Variants in TNS3 observed in about 807,000 individuals in gnomAD.
TNS3 encodes tensin 3.
TNS3 carries 45 observed loss-of-function variants against 140.9 expected under a neutral mutation model. The ratio of observed to expected loss-of-function variants is 0.32; its 90% CI spans 0.25 to 0.41. TNS3 has a LOEUF of 0.41. Ranked by LOEUF, TNS3 falls within the 10% of genes least tolerant of loss-of-function variation. The pLI is 1.00. For synonymous variants in TNS3, 815 were observed against 788.4 expected, an observed-to-expected ratio of 1.03 and a Z score of -0.56; for missense variants, 1,716 against 1,906.7, an observed-to-expected ratio of 0.90 and a Z score of 1.86.
chr7:47,323,977 A>T (rs1488707999), intron 20 of TNS3, among the ~76,000 whole-genome samples: 2 of 152,202 alleles, frequency 1.3e-5, no homozygotes, highest in East Asian at 3.8e-4. Context: ...CTAAGAATTT[A>T]TTTGACATTG....
At chr7:47,573,243 A>T (rs368217934) in intron 1 of TNS3, among the ~76,000 whole-genome samples, 2 of 152,350 alleles carry the variant, frequency 1.3e-5, no homozygotes, top group South Asian at 2.1e-4. Flanking sequence ...GATACAAGCC[A>T]GCAGGGCAAT....
rs145035304 is a variant in TNS3 at position 47,493,106 on chromosome 7, G to A, written c.-114-11965C>T. Among the ~76,000 whole-genome samples, 254 of 152,350 alleles carry A rather than the reference G, an allele frequency of 1.7e-3. 1 individual carries two copies. Among genetic ancestry groups the A allele is most frequent in the African/African-American group, 5.2e-3 (218 of 41,580 alleles). The stretch of plus-strand genomic sequence containing the variant: ...GGCAGAGGAAGTGGTCACCCCTAGG[G>A]AGGGGATGCCCAGATCTCGAATAAA... On this transcript the variant is annotated intron_variant, in intron 3 of 30. Transcript: ENST00000311160.
intron 13 of TNS3, among the ~76,000 whole-genome samples, chr7:47,411,221 T>G (rs1022650675): frequency 1.3e-5 from 2 of 152,174 alleles, no homozygotes; most frequent in African/African-American, 4.8e-5. Context: ...AGAATGAAGA[T>G]TTGTTCCGTC....
At chr7:47,451,362 T>C (rs1259157631) in intron 4 of TNS3, among the ~76,000 whole-genome samples, 2 of 152,026 alleles carry the variant, frequency 1.3e-5, no homozygotes, top group African/African-American at 4.8e-5. Context: ...AATGGATCAC[T>C]TGAGGCCAGG....
At chr7:47,290,328 A>C (rs1417782150) in intron 27 of TNS3, among the ~76,000 whole-genome samples, 1 of 152,256 alleles carries the variant, frequency 6.6e-6, no homozygotes, top group Admixed American at 6.5e-5. Flanking sequence ...TACAATACCA[A>C]AGTCACAATC....
chr7:47,423,038 A>G (rs1794461814), intron 10 of TNS3, among the ~76,000 whole-genome samples: 1 of 152,202 alleles, frequency 6.6e-6, no homozygotes, highest in Admixed American at 6.5e-5. Context: ...AAACAGAGCC[A>G]TGCCATTGGA....
intron 18 of TNS3, among the ~76,000 whole-genome samples, chr7:47,345,691 T>C (rs1006188933): frequency 1.3e-5 from 2 of 151,926 alleles, no homozygotes. Flanking sequence ...TCTGTGGCCC[T>C]CATCTGTGGG....
At chr7:47,287,319 TAAAAAAAGGGATTA>T (rs1785472852) in intron 27 of TNS3, among the ~76,000 whole-genome samples, 2 of 152,142 alleles carry the variant, frequency 1.3e-5, no homozygotes, top group Admixed American at 1.3e-4. Context: ...CCTTAATATT[TAAAAAAAGGGATTA>T]AACTGGAGAG....
At chr7:47,557,241 T>G (rs1584855102) in intron 1 of TNS3, 30 of 420,418 alleles carry the variant, frequency 7.1e-5, no homozygotes, top group South Asian at 4.9e-4. Context: ...AGGCTGACTT[T>G]TCGTCTTTCC....
At chr7:47,354,607 GAA>G (rs113598140) in intron 17 of TNS3, among the ~76,000 whole-genome samples, 8 of 138,398 alleles carry the variant, frequency 5.8e-5, no homozygotes, top group Non-Finnish European at 7.9e-5. Context: ...TCCCAGCCAG[GAA>G]AAAAAAAAAA....
chr7:47,460,727 G>A (rs1356401119), intron 4 of TNS3, among the ~76,000 whole-genome samples: 1 of 152,236 alleles, frequency 6.6e-6, no homozygotes, highest in African/African-American at 2.4e-5. Flanking sequence ...TAAATAAAAG[G>A]GAGAGGCAGT....
chr7:47,411,833 T>A, intron 12 of TNS3, 31 bp from the exon 13 acceptor site: 1 of 1,600,208 alleles, frequency 6.2e-7, no homozygotes, highest in Non-Finnish European at 8.5e-7. Flanking sequence ...TAGATCATTA[T>A]GCAACTTCAT....
intron 3 of TNS3, among the ~76,000 whole-genome samples, chr7:47,498,449 T>C (rs569425232): frequency 6.6e-6 from 1 of 152,368 alleles, no homozygotes; most frequent in Non-Finnish European, 1.5e-5. Flanking sequence ...ATTAGGTTAC[T>C]GGCCACGTAG....
chr7:47,405,610 C>CA (rs1793402639), intron 13 of TNS3: 1 of 702,732 alleles, frequency 1.4e-6, no homozygotes, highest in Admixed American at 2.0e-5. Flanking sequence ...AAAACACAAC[C>CA]AAGTCCACTA....
At chr7:47,567,030 C>CA (rs541987899) in intron 1 of TNS3, among the ~76,000 whole-genome samples, 16,195 of 97,550 alleles carry the variant, frequency 0.17, 1,464 homozygotes, top group Middle Eastern at 0.23. Context: ...GACTCCATCT[C>CA]AAAAAAAAAA....
At chr7:47,349,474 G>C (rs1789539228) in intron 17 of TNS3, among the ~76,000 whole-genome samples, 1 of 152,218 alleles carries the variant, frequency 6.6e-6, no homozygotes, top group South Asian at 2.1e-4. Context: ...GTGGGTCTGA[G>C]GCCAGAAAGA....
At chr7:47,561,800 GTGTTGCCTGCAGCTTC>G (rs1292226027) in intron 1 of TNS3, among the ~76,000 whole-genome samples, 2 of 152,186 alleles carry the variant, frequency 1.3e-5, no homozygotes, top group Non-Finnish European at 2.9e-5. Context: ...AGAACCTGAG[GTGTTGCCTGCAGCTTC>G]TGCCTTTGCC....
rs1562686673 is a variant in TNS3 at position 47,396,803 on chromosome 7, C to T, written c.1021G>A (p.Glu341Lys). 3 of 1,612,846 alleles carry T rather than the reference C, an allele frequency of 1.9e-6. No individual in the cohort carries two copies. Among genetic ancestry groups the T allele is most frequent in the East Asian group, 4.5e-5 (2 of 44,876 alleles). ...CACACAAGATGAACACACGCACCTT[C>T]TCCATCTGCACTGAGGTTCTCGTAC... ...DSYENLSADG[E>K]VLHTQGPVDG... Residue 341 changes from glutamate (E) to lysine (K), a missense_variant, in exon 16 of 31, where the codon GAA (glutamate) becomes AAA (lysine). Glu to Lys is a moderately conservative substitution (Grantham distance 56, BLOSUM62 1). Around this residue, in one of 3 missense-constraint regions of TNS3, gnomAD observed 1,163 missense variants for 1,182.1 expected, o/e 0.98. Coordinates refer to ENST00000311160, the MANE Select transcript of TNS3 (RefSeq NM_022748.12).
At chr7:47,510,764 A>G (rs1798577355) in intron 2 of TNS3, among the ~76,000 whole-genome samples, 1 of 150,906 alleles carries the variant, frequency 6.6e-6, no homozygotes, top group South Asian at 2.1e-4. Flanking sequence ...AATCCCAGCT[A>G]CTTGGGAGGC....
Sources: allele counts gnomAD v4.1 joint callset (sites outside exome capture counted in the v4.1 genomes callset), GRCh38; gene constraint gnomAD v4.1.1; regional missense constraint gnomAD v4.1.1; transcripts MANE v1.5; gene names NCBI Gene and HGNC (gene_info 2026-07-23, HGNC 2026-07-21).